Variants in SLC41A2 observed in about 807,000 individuals in gnomAD.
The protein encoded by SLC41A2 is SLC41A1-like 1.
Under a neutral mutation model 58.3 loss-of-function variants are expected in SLC41A2, and 32 were observed. That is an observed-to-expected ratio of 0.55 (90% confidence interval 0.41 to 0.74). The LOEUF is 0.74. SLC41A2 is among the 30% of genes least tolerant of loss of function. The pLI, the probability that SLC41A2 is intolerant of heterozygous loss-of-function variation, is 0.00. For synonymous variants in SLC41A2, 190 were observed against 235.0 expected (o/e 0.81, Z 1.75); for missense variants, 514 against 680.6 (o/e 0.76, Z 2.72).
intron 10 of SLC41A2, among the ~76,000 whole-genome samples, chr12:104,812,254 C>T (rs1350906465): frequency 6.6e-6 from 1 of 152,152 alleles, no homozygotes; most frequent in African/African-American, 2.4e-5. Flanking sequence ...TACTTAACCT[C>T]TCCATGTCTC....
At chr12:104,805,939 T>A (rs948783388) in intron 10 of SLC41A2, among the ~76,000 whole-genome samples, 26 of 152,220 alleles carry the variant, frequency 1.7e-4, no homozygotes, top group Admixed American at 1.6e-3. Flanking sequence ...AGATGCTGTA[T>A]ATAAATATTT....
intron 8 of SLC41A2, among the ~76,000 whole-genome samples, chr12:104,847,731 A>T (rs2042658171): frequency 3.3e-5 from 5 of 152,224 alleles, no homozygotes; most frequent in Admixed American, 3.3e-4. Flanking sequence ...CATTGAGTAC[A>T]CATATAGTAA....
At chr12:104,945,835 A>G (rs2072250910) in intron 1 of SLC41A2, among the ~76,000 whole-genome samples, 1 of 152,202 alleles carries the variant, frequency 6.6e-6, no homozygotes, top group South Asian at 2.1e-4. Context: ...TAATTCACTT[A>G]TATCTTATAT....
intron 1 of SLC41A2, among the ~76,000 whole-genome samples, chr12:104,948,953 C>A (rs1476859736): frequency 6.6e-6 from 1 of 152,208 alleles, no homozygotes; most frequent in Non-Finnish European, 1.5e-5. Flanking sequence ...CGTGGTGGCT[C>A]ATGCCTGTAA....
At chr12:104,877,725 G>A (rs947845965) in intron 6 of SLC41A2, among the ~76,000 whole-genome samples, 4 of 152,168 alleles carry the variant, frequency 2.6e-5, no homozygotes, top group Non-Finnish European at 4.4e-5. Context: ...CAGGTGGGGC[G>A]TGGTGGCTCA....
chr12:104,833,787 GT>G (rs35911723), intron 10 of SLC41A2, among the ~76,000 whole-genome samples: 2,188 of 147,114 alleles, frequency 0.015, 50 homozygotes, highest in African/African-American at 0.05. Context: ...GTGTTTTGTT[GT>G]TTTTTTTTTG....
At chr12:104,920,801 G>A (rs572103051) in intron 2 of SLC41A2, among the ~76,000 whole-genome samples, 200 of 152,110 alleles carry the variant, frequency 1.3e-3, no homozygotes, top group African/African-American at 4.5e-3. Context: ...GCGGGCACTT[G>A]TAGTCCCAGC....
intron 1 of SLC41A2, among the ~76,000 whole-genome samples, chr12:104,950,462 G>A (rs980405963): frequency 6.6e-6 from 1 of 152,150 alleles, no homozygotes; most frequent in Non-Finnish European, 1.5e-5. Flanking sequence ...GTTTCCTGAG[G>A]CCTCCCCATG....
At chr12:104,856,074 T>G (rs549181160) in intron 8 of SLC41A2, among the ~76,000 whole-genome samples, 1 of 152,326 alleles carries the variant, frequency 6.6e-6, no homozygotes, top group South Asian at 2.1e-4. Context: ...AGCTGCTGAT[T>G]CAGGCTTAAG....
chr12:104,842,141 G>A (rs752560728), intron 10 of SLC41A2, among the ~76,000 whole-genome samples: 7 of 152,056 alleles, frequency 4.6e-5, no homozygotes, highest in Non-Finnish European at 7.4e-5. Flanking sequence ...TCTTTAAGGA[G>A]TTATTTCTTC....
chr12:104,909,587 A>T, intron 3 of SLC41A2, 68 bp downstream of exon 3: 1 of 1,084,656 alleles, frequency 9.2e-7, no homozygotes, highest in Non-Finnish European at 1.4e-6. Context: ...TTTTCCTGAT[A>T]CAAGTTCCCC....
intron 2 of SLC41A2, among the ~76,000 whole-genome samples, chr12:104,919,307 T>C (rs1308723801): frequency 6.6e-6 from 1 of 152,256 alleles, no homozygotes; most frequent in Non-Finnish European, 1.5e-5. Flanking sequence ...ACCATAACCA[T>C]TCTTGTAGAG....
intron 6 of SLC41A2, among the ~76,000 whole-genome samples, chr12:104,880,426 C>A (rs185843763): frequency 3.3e-5 from 5 of 152,258 alleles, no homozygotes; most frequent in Admixed American, 6.5e-5. Flanking sequence ...AGTTTTTGCC[C>A]ATTCAGTATG....
rs191521665 is a variant in SLC41A2, at chr12:104,808,645, C to T, written c.1537-3308G>A. On this transcript the variant is annotated intron_variant, in intron 10 of 10. Coordinates refer to ENST00000258538, the MANE Select transcript of SLC41A2 (RefSeq NM_001352171.3). ...TGGAATAGTTTCAGAAGGAATGGTA[C>T]CAGCTCCTCCTTGTACCTCTGGTGG... Among the ~76,000 whole-genome samples the T allele has an allele frequency of 6.6e-5, 10 of 152,294 alleles. No homozygotes were observed. In the East Asian group the frequency reaches 1.9e-3, roughly 29 times the overall value.
At chr12:104,938,481 G>C (rs1470680389) in intron 1 of SLC41A2, among the ~76,000 whole-genome samples, 1 of 152,212 alleles carries the variant, frequency 6.6e-6, no homozygotes, top group East Asian at 1.9e-4. Flanking sequence ...ATTAGCATCA[G>C]GTTTGGCCAT....
intron 8 of SLC41A2, 112 bp downstream of exon 8, chr12:104,861,179 G>T: frequency 1.6e-6 from 1 of 641,506 alleles, no homozygotes; most frequent in Non-Finnish European, 2.6e-6. Context: ...CAGAATGGTT[G>T]GGATGGGAGG....
At chr12:104,882,785 C>T (rs1593065547) in intron 6 of SLC41A2, among the ~76,000 whole-genome samples, 1 of 152,150 alleles carries the variant, frequency 6.6e-6, no homozygotes, top group East Asian at 1.9e-4. Context: ...GTGAATCTGA[C>T]AATTATGTGT....
At chr12:104,908,654 G>A (rs2045953623) in intron 3 of SLC41A2, among the ~76,000 whole-genome samples, 1 of 152,142 alleles carries the variant, frequency 6.6e-6, no homozygotes. Flanking sequence ...TAGCTACGTG[G>A]TTTTAACCAT....
At chr12:104,827,814 C>T (rs933323058) in intron 10 of SLC41A2, among the ~76,000 whole-genome samples, 2 of 152,092 alleles carry the variant, frequency 1.3e-5, no homozygotes, top group African/African-American at 4.8e-5. Context: ...GGCCGGTCAT[C>T]GTCCATATTC....
Sources: gnomAD v4.1 joint callset for allele counts (sites outside exome capture counted in the v4.1 genomes callset) on GRCh38, gnomAD v4.1.1 for gene constraint, MANE v1.5 for transcripts, NCBI Gene and HGNC (gene_info 2026-07-23, HGNC 2026-07-21) for gene names.